Variants in CAMTA1 observed in about 807,000 individuals in gnomAD.
The protein encoded by CAMTA1 is calmodulin-binding transcription activator 1.
A neutral mutation model predicts 170.9 loss-of-function variants in CAMTA1; 27 were observed. The ratio of observed to expected loss-of-function variants is 0.16; its 90% CI spans 0.12 to 0.22. The LOEUF (loss-of-function observed/expected upper bound fraction) is 0.22. Among genes scored for constraint, CAMTA1 ranks in the 10% least tolerant of loss-of-function variants. The pLI is 1.00. For synonymous variants in CAMTA1, 833 were observed against 891.5 expected (o/e 0.93, Z 1.17); for missense variants, 1,619 against 2,217.2 (o/e 0.73, Z 5.42).
intron 7 of CAMTA1, among the ~76,000 whole-genome samples, chr1:7,657,192 A>G (rs1383465756): frequency 6.6e-6 from 1 of 152,122 alleles, no homozygotes; most frequent in African/African-American, 2.4e-5. Flanking sequence ...ATCCCACCCC[A>G]TGCCAGCCCT....
At chr1:6,854,225 A>C (rs1661433690) in intron 3 of CAMTA1, among the ~76,000 whole-genome samples, 1 of 152,214 alleles carries the variant, frequency 6.6e-6, no homozygotes, top group Admixed American at 6.5e-5. Context: ...GTCATAGTGT[A>C]ACACATTACT....
chr1:7,036,555 A>G (rs925790503), intron 3 of CAMTA1, among the ~76,000 whole-genome samples: 1 of 152,226 alleles, frequency 6.6e-6, no homozygotes, highest in Non-Finnish European at 1.5e-5. Context: ...GTTAAGTTAC[A>G]TGCTGATGTC....
chr1:7,242,766 AAAATAAAATAAAT>A lies in CAMTA1; in HGVS notation c.303-6717_303-6705del, dbSNP rs1398788434. ...ACACAGTGAAACCCCGTCTCTACTG[AAAATAAAATAAAT>A]AAATAAATAAATAAATAAATAAATA... On this transcript the variant is annotated intron_variant, in intron 4 of 22. Coordinates refer to ENST00000303635, the MANE Select transcript of CAMTA1 (RefSeq NM_015215.4). Among the ~76,000 whole-genome samples, 52 of 147,674 alleles carry A rather than the reference AAAATAAAATAAAT, an allele frequency of 3.5e-4. 1 individual carries two copies. In the South Asian group the frequency reaches 0.011, roughly 31 times the overall value.
intron 7 of CAMTA1, among the ~76,000 whole-genome samples, chr1:7,654,947 TAC>T (rs530890489): frequency 5.3e-4 from 66 of 125,344 alleles, no homozygotes; most frequent in African/African-American, 1.8e-3. Flanking sequence ...CACACACCTA[TAC>T]ACACACAAAC....
intron 3 of CAMTA1, chr1:6,871,817 G>C: frequency 6.6e-7 from 1 of 1,525,854 alleles, no homozygotes; most frequent in Non-Finnish European, 8.7e-7. Flanking sequence ...CTTCACCTTT[G>C]ATCCCCTGAC....
intron 3 of CAMTA1, among the ~76,000 whole-genome samples, chr1:6,926,685 T>TCCTTCCC (rs1683339700): frequency 7.4e-6 from 1 of 134,790 alleles, no homozygotes; most frequent in Non-Finnish European, 1.5e-5. Flanking sequence ...ATTTCCTTCC[T>TCCTTCCC]TCCTTCCCTC....
At chr1:7,667,430 C>T (rs1282574580) in intron 9 of CAMTA1, among the ~76,000 whole-genome samples, 1 of 152,148 alleles carries the variant, frequency 6.6e-6, no homozygotes, top group Admixed American at 6.5e-5. Flanking sequence ...AGTTTCCTTA[C>T]GTGTAAATGG....
chr1:6,999,998 C>T (rs975152334), intron 3 of CAMTA1, among the ~76,000 whole-genome samples: 4 of 152,212 alleles, frequency 2.6e-5, no homozygotes, highest in East Asian at 1.9e-4. Flanking sequence ...GAAAGAGAAT[C>T]GAGTGTTCAG....
At chr1:7,711,680 A>G (rs1185430498) in intron 11 of CAMTA1, among the ~76,000 whole-genome samples, 1 of 152,186 alleles carries the variant, frequency 6.6e-6, no homozygotes, top group Non-Finnish European at 1.5e-5. Flanking sequence ...AGTATTATAC[A>G]CTGTGGTTTG....
At chr1:7,166,223 T>A (rs1039938562) in intron 4 of CAMTA1, among the ~76,000 whole-genome samples, 4 of 152,040 alleles carry the variant, frequency 2.6e-5, no homozygotes, top group Non-Finnish European at 5.9e-5. Context: ...CCCACCACCA[T>A]GCCCAGCTAA....
chr1:7,727,985 A>G (rs767667608), intron 11 of CAMTA1, among the ~76,000 whole-genome samples: 1 of 152,184 alleles, frequency 6.6e-6, no homozygotes, highest in Admixed American at 6.5e-5. Context: ...TTTTTATTTT[A>G]ATTATCACTC....
At chr1:7,323,705 C>T (rs1420863822) in intron 5 of CAMTA1, among the ~76,000 whole-genome samples, 1 of 151,928 alleles carries the variant, frequency 6.6e-6, no homozygotes, top group African/African-American at 2.4e-5. Context: ...AACACTAGAA[C>T]GACCTCTCTA....
chr1:7,233,355 A>G (rs899575446), intron 4 of CAMTA1, among the ~76,000 whole-genome samples: 1 of 152,094 alleles, frequency 6.6e-6, no homozygotes, highest in Admixed American at 6.6e-5. Flanking sequence ...GGCTCCCATC[A>G]CTGTGCTGGG....
At chr1:7,621,918 G>A (rs985669311) in intron 6 of CAMTA1, among the ~76,000 whole-genome samples, 1 of 152,186 alleles carries the variant, frequency 6.6e-6, no homozygotes, top group South Asian at 2.1e-4. Flanking sequence ...TAGAGAGAAC[G>A]AATATGCTAA....
intron 3 of CAMTA1, among the ~76,000 whole-genome samples, chr1:6,923,280 CTGAG>C (rs762363731): frequency 3.3e-5 from 5 of 152,148 alleles, no homozygotes; most frequent in East Asian, 3.9e-4. Flanking sequence ...GTTTGCACTC[CTGAG>C]TATCTGTGAT....
intron 5 of CAMTA1, among the ~76,000 whole-genome samples, chr1:7,297,896 C>A (rs1674202940): frequency 6.6e-6 from 1 of 152,176 alleles, no homozygotes; most frequent in Admixed American, 6.5e-5. Flanking sequence ...AGCAGGAGGG[C>A]AAATCCAATC....
chr1:7,216,596 C>T lies in CAMTA1; in HGVS notation c.303-32895C>T, dbSNP rs117342990. 2.2e-3 allele frequency among the ~76,000 whole-genome samples: 336 copies of T among 152,248 alleles called. 11 individuals carry two copies. The East Asian group carries it at 0.056, about 25-fold the overall frequency. The stretch of plus-strand genomic sequence containing the variant: ...TGAGTTCTCGGCTCACTGCAATCCC[C>T]GCTTCCTGGGTTCAAGCAATCCTTG... On this transcript the variant is annotated intron_variant, in intron 4 of 22. Coordinates refer to ENST00000303635, the MANE Select transcript of CAMTA1 (RefSeq NM_015215.4). This position sits in a 1 kb window ranked among gnomAD's most constrained non-coding sequence, Gnocchi z 4.0.
intron 5 of CAMTA1, among the ~76,000 whole-genome samples, chr1:7,317,121 G>C (rs1340872002): frequency 6.6e-6 from 1 of 152,176 alleles, no homozygotes. Context: ...GTGAAGGGAA[G>C]TTGCTCCCTT....
At chr1:7,513,181 G>T (rs555994595) in intron 6 of CAMTA1, among the ~76,000 whole-genome samples, 101 of 152,272 alleles carry the variant, frequency 6.6e-4, no homozygotes, top group African/African-American at 1.9e-3. Flanking sequence ...GAGCTGTGGG[G>T]TGGGGAGAAG....
Sources: gnomAD v4.1 joint callset for allele counts (sites outside exome capture counted in the v4.1 genomes callset) on GRCh38, gnomAD v4.1.1 for gene constraint, Gnocchi (gnomAD v3.1) non-coding constraint, MANE v1.5 for transcripts, NCBI Gene and HGNC (gene_info 2026-07-23, HGNC 2026-07-21) for gene names.